Variants in CFAP54 observed in about 807,000 individuals in gnomAD.
The protein encoded by CFAP54 is cilia- and flagella-associated protein 54.
A neutral mutation model predicts 370.4 loss-of-function variants in CFAP54; 290 were observed. The observed-to-expected ratio is 0.78, with a 90% confidence interval of 0.71 to 0.86. The LOEUF is 0.86. Ranked by LOEUF, CFAP54 falls within the 40% of genes least tolerant of loss-of-function variation. CFAP54 has a pLI of 0.00. For synonymous variants in CFAP54, 1,206 were observed against 1,236.5 expected (o/e 0.98, Z 0.52); for missense variants, 3,399 against 3,528.7 (o/e 0.96, Z 0.93).
At chr12:96,830,440 T>C (rs557885549) in intron 66 of CFAP54, among the ~76,000 whole-genome samples, 1 of 152,274 alleles carries the variant, frequency 6.6e-6, no homozygotes, top group African/African-American at 2.4e-5. Flanking sequence ...GTGATTTTGA[T>C]TTGCATTTCC....
intron 55 of CFAP54, among the ~76,000 whole-genome samples, chr12:96,748,417 G>C (rs1438303282): frequency 3.9e-5 from 6 of 151,950 alleles, no homozygotes; most frequent in African/African-American, 1.5e-4. Context: ...AGAAAGTGCT[G>C]CTGTTCTTCT....
At position 96,576,684 on chromosome 12, in the gene CFAP54, C is replaced by A; in HGVS notation, c.2719C>A (p.Pro907Thr). 3 of 1,535,672 alleles carry A rather than the reference C, an allele frequency of 2.0e-6. No homozygotes were observed. Among genetic ancestry groups the A allele is most frequent in the Non-Finnish European group, 2.6e-6 (3 of 1,146,602 alleles). ...ESSKRKKSRV[P>T]PPPILLSRTH... ...TTCAAAAAGAAAGAAAAGCAGAGTC[C>A]CCCCTCCACCTATCCTGCTGTCTCG... The change falls in exon 20 of 68, where the codon CCC becomes ACC. Residue 907 changes from proline to threonine, a missense_variant. By Grantham distance (38) the Pro-to-Thr change is conservative. Around this residue, in one of 3 missense-constraint regions of CFAP54, gnomAD observed 2,796 missense variants for 2,869.7 expected, o/e 0.97. Transcript: ENST00000524981.
rs1274680689 is a variant in CFAP54, at chr12:96,829,831, A to G, written c.9171+743A>G. 2.0e-5 allele frequency among the ~76,000 whole-genome samples: 3 copies of G among 152,174 alleles called. No individual in the cohort carries two copies. The South Asian group carries it at 6.2e-4, about 32-fold the overall frequency. Reference sequence around the variant, plus strand: ...CTATCACTGTCCAGAACTTTTCATCATTCCAAATAGAAACTTTATATCCAT... The same window carrying G: ...CTATCACTGTCCAGAACTTTTCATCGTTCCAAATAGAAACTTTATATCCAT... On this transcript the variant is annotated intron_variant, in intron 66 of 67. Coordinates refer to ENST00000524981, the MANE Select transcript of CFAP54 (RefSeq NM_001306084.2).
chr12:96,799,544 C>T (rs916441136), intron 63 of CFAP54, among the ~76,000 whole-genome samples: 1 of 152,122 alleles, frequency 6.6e-6, no homozygotes, highest in African/African-American at 2.4e-5. Context: ...CTCACTTTGG[C>T]CCCTTCATTC....
At chr12:96,741,363 A>T (rs1958049397) in intron 51 of CFAP54, among the ~76,000 whole-genome samples, 1 of 152,094 alleles carries the variant, frequency 6.6e-6, no homozygotes, top group Non-Finnish European at 1.5e-5. Flanking sequence ...GAGTTTCACC[A>T]TATTGGTCAG....
intron 9 of CFAP54, among the ~76,000 whole-genome samples, chr12:96,528,533 T>C (rs1409518483): frequency 6.6e-6 from 1 of 152,164 alleles, no homozygotes; most frequent in African/African-American, 2.4e-5. Flanking sequence ...TCTTCCTACA[T>C]GTTTAGTTGA....
At chr12:96,665,007 AT>A (rs1957062403) in intron 39 of CFAP54, among the ~76,000 whole-genome samples, 2 of 151,580 alleles carry the variant, frequency 1.3e-5, no homozygotes, top group African/African-American at 2.4e-5. Context: ...ACTAGCAGAC[AT>A]TCTGACTGGT....
chr12:96,594,185 A>G (rs1956152455), intron 24 of CFAP54, 106 bp from the exon 25 acceptor site: 3 of 732,516 alleles, frequency 4.1e-6, no homozygotes, highest in Non-Finnish European at 4.1e-6. Context: ...ACAAACACTC[A>G]TGTTGTTTTT....
At chr12:96,521,709 A>C (rs2136369441) in intron 6 of CFAP54, 148 bp from the exon 7 acceptor site, 1 of 543,650 alleles carries the variant, frequency 1.8e-6, no homozygotes, top group East Asian at 2.8e-5. Context: ...TCTTAAATAA[A>C]ATGATAGACT....
At chr12:96,604,786 G>A (rs1956283518) in intron 26 of CFAP54, among the ~76,000 whole-genome samples, 1 of 152,260 alleles carries the variant, frequency 6.6e-6, no homozygotes. Context: ...GCCAAGCCAG[G>A]CATGGGAGGG....
rs140904293 is a variant in CFAP54, at chr12:96,658,311, C to G, written c.5425C>G (p.Pro1809Ala). 9.9e-6 allele frequency: 16 copies of G among 1,614,104 alleles called. No individual in the cohort carries two copies. Among genetic ancestry groups the G allele is most frequent in the Non-Finnish European group, 1.4e-5 (16 of 1,179,996 alleles). The change falls in exon 38 of 68, where the codon CCT (proline) becomes GCT (alanine). Residue 1809 changes from proline (P) to alanine (A), a missense_variant. Around this residue, in one of 3 missense-constraint regions of CFAP54, gnomAD observed 2,796 missense variants for 2,869.7 expected, o/e 0.97. Coordinates refer to ENST00000524981, the MANE Select transcript of CFAP54 (RefSeq NM_001306084.2). ...KFKGPDITQQ[P>A]CARYEAEYGE... ...CAAGGGCCCAGATATTACCCAACAA[C>G]CTTGTGCAAGGTATGAGGCTGAATA...
chr12:96,566,175 G>T (rs1230447255), intron 19 of CFAP54, among the ~76,000 whole-genome samples: 3 of 152,082 alleles, frequency 2.0e-5, no homozygotes, highest in Non-Finnish European at 4.4e-5. Flanking sequence ...GTCTTTATTA[G>T]CAGTGTGAGA....
chr12:96,503,118 C>T (rs1168288624), intron 2 of CFAP54, among the ~76,000 whole-genome samples: 3 of 141,052 alleles, frequency 2.1e-5, no homozygotes, highest in Admixed American at 7.6e-5. Flanking sequence ...TTCCTTCCTT[C>T]TTTCTCGCTT....
chr12:96,646,439 C>T (rs1956792509), intron 33 of CFAP54: 1 of 152,146 alleles, frequency 6.6e-6, no homozygotes, highest in Non-Finnish European at 1.5e-5. Flanking sequence ...ATTAAAAAGT[C>T]AGGAAACAAG....
chr12:96,706,870 CTGTTAGA>C (rs1341153527), intron 47 of CFAP54, among the ~76,000 whole-genome samples: 3 of 151,966 alleles, frequency 2.0e-5, no homozygotes, highest in Non-Finnish European at 4.4e-5. Flanking sequence ...TTTGAGATAT[CTGTTAGA>C]CATCCAAGTG....
intron 27 of CFAP54, among the ~76,000 whole-genome samples, chr12:96,623,065 C>G (rs1467467935): frequency 1.3e-5 from 2 of 152,076 alleles, no homozygotes; most frequent in Non-Finnish European, 2.9e-5. Flanking sequence ...TGCCTCTCTT[C>G]TTGAAGCTTT....
At chr12:96,793,772 C>G (rs1188601774) in intron 63 of CFAP54, among the ~76,000 whole-genome samples, 21 of 151,996 alleles carry the variant, frequency 1.4e-4, no homozygotes, top group Non-Finnish European at 2.8e-4. Flanking sequence ...ATGGTATTTG[C>G]ATTGTTGTTG....
intron 4 of CFAP54, among the ~76,000 whole-genome samples, chr12:96,507,858 T>C (rs1461582393): frequency 6.6e-6 from 1 of 152,188 alleles, no homozygotes. Flanking sequence ...AATCAGACTT[T>C]ACATTTGCTG....
chr12:96,609,310 T>C (rs1431887905), intron 26 of CFAP54, among the ~76,000 whole-genome samples: 2 of 152,176 alleles, frequency 1.3e-5, no homozygotes, highest in African/African-American at 4.8e-5. Context: ...AAAACTTGAA[T>C]TTTTTGCAAT....
Sources: allele counts gnomAD v4.1 joint callset (sites outside exome capture counted in the v4.1 genomes callset), GRCh38; gene constraint gnomAD v4.1.1; regional missense constraint gnomAD v4.1.1; transcripts MANE v1.5; gene names NCBI Gene and HGNC (gene_info 2026-07-23, HGNC 2026-07-21).